Variants in CLSTN2 observed in about 807,000 individuals in gnomAD.
The protein encoded by CLSTN2 is calsyntenin 2.
A neutral mutation model predicts 101.2 loss-of-function variants in CLSTN2; 48 were observed. That is an observed-to-expected ratio of 0.47 (90% CI 0.38 to 0.60). CLSTN2 has a LOEUF of 0.60. CLSTN2 is among the 20% of genes least tolerant of loss of function. The probability of loss-of-function intolerance (pLI) is 0.00; values close to 1 mark genes in which losing one functional copy is unlikely to be tolerated. For missense variants in CLSTN2, 1,160 were observed against 1,238.2 expected, an observed-to-expected ratio of 0.94 and a Z score of 0.95; for synonymous variants, 481 against 463.6, an observed-to-expected ratio of 1.04 and a Z score of -0.48.
At chr3:140,161,675 C>G (rs1453915886) in intron 1 of CLSTN2, among the ~76,000 whole-genome samples, 1 of 152,112 alleles carries the variant, frequency 6.6e-6, no homozygotes, top group African/African-American at 2.4e-5. Flanking sequence ...GTTATCCTTT[C>G]TTTCTCTCCC....
At position 140,203,577 on chromosome 3, in the gene CLSTN2, T is replaced by G. The variant is rs562931824; in HGVS notation, c.232+27504T>G. Among the ~76,000 whole-genome samples, 141 of 150,974 alleles carry G rather than the reference T, an allele frequency of 9.3e-4. 1 individual carries two copies. The highest frequency in any genetic ancestry group is 3.2e-3 in the African/African-American group (133 of 41,102). ...TCTTTTCCTGAGACCACGGTGCAATTTGGCGCATGGCCCGTGCCTCTGCCA... is the reference window on the plus strand; with the variant it reads ...TCTTTTCCTGAGACCACGGTGCAATGTGGCGCATGGCCCGTGCCTCTGCCA... On this transcript the variant is annotated intron_variant, in intron 2 of 16. Transcript: ENST00000458420.
intron 2 of CLSTN2, among the ~76,000 whole-genome samples, chr3:140,208,214 C>T (rs573921948): frequency 6.6e-6 from 1 of 152,152 alleles, no homozygotes; most frequent in African/African-American, 2.4e-5. Context: ...ATAGTTATTT[C>T]CAAGGTTATA....
In CLSTN2 at chr3:140,362,190, C is replaced by T. The variant is rs990847781; in HGVS notation, c.233-41439C>T. On this transcript the variant is annotated intron_variant, in intron 2 of 16. Transcript: ENST00000458420. ...ACTTTTATGATCAAGTGACTTTCAA[C>T]AGAGATGCCAAGTTAATGTAATGAA... 3.3e-5 allele frequency among the ~76,000 whole-genome samples: 5 copies of T among 152,252 alleles called. No homozygotes were observed. In the East Asian group the frequency reaches 9.6e-4, roughly 29 times the overall value.
chr3:140,314,841 T>C (rs2087213709), intron 2 of CLSTN2, among the ~76,000 whole-genome samples: 1 of 152,072 alleles, frequency 6.6e-6, no homozygotes, highest in African/African-American at 2.4e-5. Flanking sequence ...CTGGGGACAT[T>C]GGTGTAACTA....
chr3:140,268,173 C>A (rs2086712650), intron 2 of CLSTN2, among the ~76,000 whole-genome samples: 1 of 152,070 alleles, frequency 6.6e-6, no homozygotes, highest in Admixed American at 6.6e-5. Flanking sequence ...GCACAGATGA[C>A]TCTGAGACCC....
At chr3:140,422,024 T>G (rs1304748568) in intron 5 of CLSTN2, among the ~76,000 whole-genome samples, 3 of 152,148 alleles carry the variant, frequency 2.0e-5, no homozygotes, top group Non-Finnish European at 2.9e-5. Flanking sequence ...TGCACCATTA[T>G]TTTGGCTGCC....
intron 2 of CLSTN2, among the ~76,000 whole-genome samples, chr3:140,286,483 T>G (rs937549177): frequency 6.6e-6 from 1 of 152,200 alleles, no homozygotes; most frequent in Admixed American, 6.5e-5. Flanking sequence ...AAGAATGGTT[T>G]GATGATGCCC....
At chr3:140,342,885 G>A (rs761779712) in intron 2 of CLSTN2, among the ~76,000 whole-genome samples, 1 of 152,182 alleles carries the variant, frequency 6.6e-6, no homozygotes, top group Non-Finnish European at 1.5e-5. Flanking sequence ...GCACTCAGAT[G>A]CTTACATGGT....
At chr3:139,997,189 G>C (rs919531876) in intron 1 of CLSTN2, among the ~76,000 whole-genome samples, 1 of 151,942 alleles carries the variant, frequency 6.6e-6, no homozygotes, top group Non-Finnish European at 1.5e-5. Flanking sequence ...TGTTTTGTTA[G>C]TCATTTATTT....
rs192656620 is a variant in CLSTN2, at chr3:140,022,548, G to A, written c.109+87065G>A. On this transcript the variant is annotated intron_variant, in intron 1 of 16. Coordinates refer to ENST00000458420, the MANE Select transcript of CLSTN2 (RefSeq NM_022131.3). ...GCTGAACCAGGCCAGGAGACTGGGC[G>A]CTGCAGGAGGGACGGCTGCACAATG... is the stretch of plus-strand genomic sequence containing the variant. Among the ~76,000 whole-genome samples the A allele has an allele frequency of 5.9e-5, 9 of 152,298 alleles. No homozygotes were observed. In the South Asian group the frequency reaches 6.2e-4, roughly 11 times the overall value.
At chr3:140,455,854 C>A (rs753544402) in intron 6 of CLSTN2, among the ~76,000 whole-genome samples, 20 of 152,200 alleles carry the variant, frequency 1.3e-4, no homozygotes, top group Non-Finnish European at 2.5e-4. Flanking sequence ...TGGAAGTCTG[C>A]ACCATCTGGT....
intron 2 of CLSTN2, among the ~76,000 whole-genome samples, chr3:140,280,488 A>G (rs2086835153): frequency 1.3e-5 from 2 of 152,342 alleles, no homozygotes; most frequent in Admixed American, 1.3e-4. Context: ...TAGTTTGAGG[A>G]GAATTCTTCA....
chr3:140,058,740 A>G (rs1205504636), intron 1 of CLSTN2, among the ~76,000 whole-genome samples: 1 of 151,852 alleles, frequency 6.6e-6, no homozygotes, highest in African/African-American at 2.4e-5. Flanking sequence ...GGGGCCTTGA[A>G]GGCCAGGGTT....
chr3:140,562,713 A>G (rs1935943101), intron 13 of CLSTN2, 98 bp from the exon 14 acceptor site: 1 of 1,299,276 alleles, frequency 7.7e-7, no homozygotes, highest in Non-Finnish European at 1.1e-6. Context: ...AATTTACAAG[A>G]CCCATGAGGT....
At chr3:140,135,113 CACACATATATAT>C (rs1482147308) in intron 1 of CLSTN2, among the ~76,000 whole-genome samples, 4 of 52,082 alleles carry the variant, frequency 7.7e-5, no homozygotes, top group Admixed American at 3.8e-4. Flanking sequence ...CACACACACA[CACACATATATAT>C]ATATATATAT....
intron 1 of CLSTN2, among the ~76,000 whole-genome samples, chr3:140,104,093 T>G (rs376277966): frequency 6.6e-6 from 1 of 152,192 alleles, no homozygotes; most frequent in East Asian, 1.9e-4. Flanking sequence ...TTTCACAGCT[T>G]TAATCAGAAT....
intron 1 of CLSTN2, among the ~76,000 whole-genome samples, chr3:140,088,182 G>C (rs1410477831): frequency 6.6e-6 from 1 of 152,150 alleles, no homozygotes; most frequent in Non-Finnish European, 1.5e-5. Flanking sequence ...ATAAGATTTA[G>C]AGCACTGTTA....
intron 2 of CLSTN2, among the ~76,000 whole-genome samples, chr3:140,270,389 C>A (rs554084648): frequency 6.6e-6 from 1 of 152,122 alleles, no homozygotes; most frequent in South Asian, 2.1e-4. Context: ...AGACAGGATG[C>A]TTTGTCAACC....
intron 1 of CLSTN2, among the ~76,000 whole-genome samples, chr3:139,984,486 T>A (rs2107825311): frequency 6.6e-6 from 1 of 152,264 alleles, no homozygotes; most frequent in South Asian, 2.1e-4. Flanking sequence ...TTCTTCATTC[T>A]TATATGACTG....
Sources: allele counts gnomAD v4.1 joint callset (sites outside exome capture counted in the v4.1 genomes callset), GRCh38; gene constraint gnomAD v4.1.1; transcripts MANE v1.5; gene names NCBI Gene and HGNC (gene_info 2026-07-23, HGNC 2026-07-21).